The following RICTOR variants were observed in gnomAD, a reference collection of about 807,000 sequenced individuals.
RICTOR encodes the protein RPTOR independent companion of MTOR complex 2, also known as rapamycin-insensitive companion of mTOR.
RICTOR carries 49 observed loss-of-function variants against 214.9 expected under a neutral mutation model. The ratio of observed to expected loss-of-function variants is 0.23; its 90% CI spans 0.18 to 0.29. The LOEUF is 0.29. RICTOR is among the 10% of genes least tolerant of loss of function. The probability of loss-of-function intolerance (pLI) is 1.00; values close to 1 mark genes in which losing one functional copy is unlikely to be tolerated. For missense variants in RICTOR, 1,625 were observed against 2,047.0 expected, an observed-to-expected ratio of 0.79 and a Z score of 3.98; for synonymous variants, 717 against 711.3, an observed-to-expected ratio of 1.01 and a Z score of -0.13.
intron 2 of RICTOR, among the ~76,000 whole-genome samples, chr5:39,036,037 A>T (rs1393563698): frequency 6.6e-6 from 1 of 152,244 alleles, no homozygotes; most frequent in African/African-American, 2.4e-5. Context: ...AGTTGAAATG[A>T]AGGAAAAAAT....
chr5:39,073,849 T>C (rs2150228932), intron 2 of RICTOR, among the ~76,000 whole-genome samples: 1 of 152,180 alleles, frequency 6.6e-6, no homozygotes, highest in East Asian at 1.9e-4. Flanking sequence ...TCTGCCGAGT[T>C]CCACTCGGGG....
At chr5:38,996,338 T>C (rs1264100439) in intron 6 of RICTOR, among the ~76,000 whole-genome samples, 4 of 152,200 alleles carry the variant, frequency 2.6e-5, no homozygotes, top group Non-Finnish European at 1.5e-5. Context: ...TTGTGGAGTG[T>C]AGGCTGTGAC....
In RICTOR at chr5:38,959,972, G is replaced by C. The variant is rs751861678; in HGVS notation, c.1858C>G (p.Gln620Glu). 1.9e-6 allele frequency: 3 copies of C among 1,601,328 alleles called. No homozygotes were observed. The highest frequency in any genetic ancestry group is 1.7e-6 in the Non-Finnish European group (2 of 1,169,086). The change falls in exon 21 of 38, where the codon CAA becomes GAA. Residue 620 changes from glutamine to glutamate, a missense_variant. Transcript: ENST00000357387. ...TTTACTAGATCTTCTAAGTAGCCTT[G>C]CCCATCCTAAAAGTAAATACATTGT... ...EFLLESEEDG[Q>E]GYLEDLVKDI... is the part of the protein sequence containing the mutation.
intron 2 of RICTOR, among the ~76,000 whole-genome samples, chr5:39,038,956 G>GA (rs1433854434): frequency 2.0e-4 from 31 of 152,120 alleles, no homozygotes; most frequent in Middle Eastern, 3.4e-3. Flanking sequence ...CACAGAATTG[G>GA]AAAAAACTAC....
At chr5:39,011,618 C>T (rs1425494578) in intron 3 of RICTOR, among the ~76,000 whole-genome samples, 2 of 152,170 alleles carry the variant, frequency 1.3e-5, no homozygotes, top group African/African-American at 4.8e-5. Context: ...GGTGGAGCTG[C>T]CCAAGGCTGT....
rs2112845261 is a variant in RICTOR at position 38,949,780 on chromosome 5, T to C, written c.4068A>G (p.Lys1356=). Residue 1356 remains lysine (K), a synonymous_variant, in exon 31 of 38, where the codon AAA becomes AAG. Coordinates refer to ENST00000357387, the MANE Select transcript of RICTOR (RefSeq NM_152756.5). ...SHSEALASPA[K]DVLFTDTITM... ...TGATGGTATCAGTAAATAGCACATCTTTTGCTGGAGATGCCAAAGCTTCAG... is the reference window on the plus strand; with the variant it reads ...TGATGGTATCAGTAAATAGCACATCCTTTGCTGGAGATGCCAAAGCTTCAG... 6.2e-7 allele frequency: 1 copy of C among 1,613,416 alleles called. No individual in the cohort carries two copies. The highest frequency in any genetic ancestry group is 8.5e-7 in the Non-Finnish European group (1 of 1,179,506).
intron 7 of RICTOR, among the ~76,000 whole-genome samples, chr5:38,984,964 C>T (rs1248859226): frequency 2.0e-5 from 3 of 152,010 alleles, no homozygotes; most frequent in South Asian, 2.1e-4. Context: ...GGACTATATG[C>T]GTACCTTTTT....
At chr5:38,953,642 G>T (rs894987039) in intron 27 of RICTOR, 89 bp from the exon 28 acceptor site, 4 of 422,688 alleles carry the variant, frequency 9.5e-6, no homozygotes, top group African/African-American at 2.2e-5. Context: ...TATAACGTTT[G>T]TTTTTTGTCA....
chr5:39,038,520 A>G (rs1200603370), intron 2 of RICTOR, among the ~76,000 whole-genome samples: 2 of 152,226 alleles, frequency 1.3e-5, no homozygotes, highest in Non-Finnish European at 2.9e-5. Flanking sequence ...GGAAAAGAGG[A>G]AGTCAAACTG....
At position 39,042,847 on chromosome 5, in the gene RICTOR, G is replaced by T. The variant is rs138171870; in HGVS notation, c.98-21711C>A. On this transcript the variant is annotated intron_variant, in intron 2 of 37. Coordinates refer to ENST00000357387, the MANE Select transcript of RICTOR (RefSeq NM_152756.5). ...AATTCTGTTTCTTGATCTGGGTTCT[G>T]GTTTCATCTCACCTAAATTAGGCTA... Among the ~76,000 whole-genome samples the T allele has an allele frequency of 2.1e-3, 324 of 152,194 alleles. 1 individual carries two copies. The highest frequency in any genetic ancestry group is 7.6e-3 in the African/African-American group (315 of 41,528).
chr5:38,956,798 G>A (rs904035795), intron 25 of RICTOR, among the ~76,000 whole-genome samples: 1 of 151,926 alleles, frequency 6.6e-6, no homozygotes, highest in Admixed American at 6.6e-5. Flanking sequence ...ATATCTTCTA[G>A]GAAACAAACC....
At chr5:38,955,748 G>A (rs1447618621) in intron 25 of RICTOR, 44 bp from the exon 26 acceptor site, 1 of 1,049,936 alleles carries the variant, frequency 9.5e-7, no homozygotes. Flanking sequence ...ATCACAATGA[G>A]TCACTAAATT....
intron 2 of RICTOR, among the ~76,000 whole-genome samples, chr5:39,024,105 C>T (rs1382090379): frequency 6.6e-6 from 1 of 152,128 alleles, no homozygotes; most frequent in Non-Finnish European, 1.5e-5. Context: ...AGATCCCTCG[C>T]ATGTGCAGTT....
intron 2 of RICTOR, among the ~76,000 whole-genome samples, chr5:39,034,649 C>T (rs962582252): frequency 5.9e-5 from 9 of 152,210 alleles, no homozygotes; most frequent in South Asian, 2.1e-4. Flanking sequence ...GCTTAACAAA[C>T]GGCACACCAG....
intron 3 of RICTOR, among the ~76,000 whole-genome samples, chr5:39,018,173 A>T (rs12519682): frequency 0.16 from 23,805 of 152,030 alleles, 2,336 homozygotes; most frequent in Admixed American, 0.24. Flanking sequence ...GAAACATACC[A>T]ATCCACTCAT....
At chr5:39,020,190 TG>T (rs1299769172) in intron 3 of RICTOR, among the ~76,000 whole-genome samples, 1 of 152,214 alleles carries the variant, frequency 6.6e-6, no homozygotes, top group Admixed American at 6.5e-5. Flanking sequence ...CTATGAACAC[TG>T]TTGAAATGAC....
chr5:38,944,671 C>T, intron 35 of RICTOR, 102 bp from the exon 36 acceptor site: 1 of 1,053,302 alleles, frequency 9.5e-7, no homozygotes, highest in Non-Finnish European at 1.4e-6. Context: ...ACCTAGAGAT[C>T]AATTACACAT....
intron 2 of RICTOR, among the ~76,000 whole-genome samples, chr5:39,035,773 A>T (rs1343854459): frequency 6.6e-6 from 1 of 152,210 alleles, no homozygotes; most frequent in Non-Finnish European, 1.5e-5. Context: ...TAGAGAAAAA[A>T]TAAAAAGAAA....
chr5:38,967,086 T>C (rs2150031983), intron 14 of RICTOR, 75 bp downstream of exon 14: 2 of 1,154,862 alleles, frequency 1.7e-6, no homozygotes, highest in Non-Finnish European at 2.6e-6. Flanking sequence ...CAGGCGTGAG[T>C]CACCACACCT....
Sources: allele counts gnomAD v4.1 joint callset (sites outside exome capture counted in the v4.1 genomes callset), GRCh38; gene constraint gnomAD v4.1.1; transcripts MANE v1.5; gene names NCBI Gene and HGNC (gene_info 2026-07-23, HGNC 2026-07-21).